L3MBTL4: variants seen among roughly 807,000 people sequenced by gnomAD.
L3MBTL4 encodes L3MBTL histone methyl-lysine binding protein 4, also known as lethal(3)malignant brain tumor-like protein 4.
In L3MBTL4, 70 loss-of-function variants were observed where a neutral mutation model predicts 84.5. That is an observed-to-expected ratio of 0.83 (90% CI 0.68 to 1.01). L3MBTL4 has a LOEUF of 1.01. L3MBTL4 is among the 50% of genes least tolerant of loss of function. L3MBTL4 has a pLI of 0.00. For missense variants in L3MBTL4, 715 were observed against 754.8 expected (o/e 0.95, Z 0.62); for synonymous variants, 274 against 259.8 (o/e 1.05, Z -0.52).
chr18:5,988,822 G>A (rs2053569695), intron 16 of L3MBTL4, among the ~76,000 whole-genome samples: 1 of 152,176 alleles, frequency 6.6e-6, no homozygotes, highest in African/African-American at 2.4e-5. Context: ...GGTGTGGATG[G>A]AAAGTGGGAA....
rs533613697 is a variant in L3MBTL4 at position 6,031,816 on chromosome 18, T to G, written c.1444+49065A>C. On this transcript the variant is annotated intron_variant, in intron 16 of 18. Transcript: ENST00000317931. ...AAAGGCAAATCAGATTCATGGTTTTTTTTTTTTTTTAATTTCACAGATTTA... is the reference window on the plus strand; with the variant it reads ...AAAGGCAAATCAGATTCATGGTTTTGTTTTTTTTTTAATTTCACAGATTTA... 1,951 of 975,508 alleles carry G rather than the reference T, an allele frequency of 2.0e-3. 22 individuals are homozygous for G. The African/African-American group carries it at 0.03, about 15-fold the overall frequency. The allele number at this position is 975,508 out of a possible 1,614,324, so 60.4% of individuals were successfully genotyped here. A position where few individuals can be genotyped will look rare whatever the true frequency, so the allele number is the denominator to read the frequency against.
At chr18:6,008,569 T>C (rs1302915668) in intron 16 of L3MBTL4, among the ~76,000 whole-genome samples, 1 of 152,138 alleles carries the variant, frequency 6.6e-6, no homozygotes, top group African/African-American at 2.4e-5. Context: ...CTCTTATGTT[T>C]CTTCCTTTTC....
chr18:5,967,590 G>T (rs1393651846), intron 17 of L3MBTL4, among the ~76,000 whole-genome samples: 3 of 152,170 alleles, frequency 2.0e-5, no homozygotes, highest in African/African-American at 4.8e-5. Flanking sequence ...ACATTTACCA[G>T]GTGCCTATTA....
At chr18:6,319,649 A>G (rs8096549) in intron 1 of L3MBTL4, among the ~76,000 whole-genome samples, 2,341 of 152,098 alleles carry the variant, frequency 0.015, 68 homozygotes, top group African/African-American at 0.053. Context: ...TAAAATGTCA[A>G]CAAAAAAAAG....
chr18:5,995,007 C>T (rs1027705753), intron 16 of L3MBTL4, among the ~76,000 whole-genome samples: 6 of 152,238 alleles, frequency 3.9e-5, no homozygotes, highest in Non-Finnish European at 7.3e-5. Context: ...TTTATAATTA[C>T]TAGAAGAGGA....
At chr18:6,202,508 C>T (rs1224302398) in intron 12 of L3MBTL4, among the ~76,000 whole-genome samples, 1 of 152,078 alleles carries the variant, frequency 6.6e-6, no homozygotes, top group Non-Finnish European at 1.5e-5. Flanking sequence ...TGCAGAGAAA[C>T]AAGCTAGGAG....
intron 1 of L3MBTL4, among the ~76,000 whole-genome samples, chr18:6,315,778 C>T (rs2051061466): frequency 6.6e-6 from 1 of 152,236 alleles, no homozygotes; most frequent in Non-Finnish European, 1.5e-5. Context: ...CATGTGGAGC[C>T]TGTCTGCATA....
At chr18:6,311,803 G>A (rs1327805831) in intron 2 of L3MBTL4, 147 bp from the exon 3 acceptor site, 1 of 578,900 alleles carries the variant, frequency 1.7e-6, no homozygotes, top group African/African-American at 1.9e-5. Context: ...TTTGCAATTG[G>A]TTTTATAGTA....
intron 5 of L3MBTL4, among the ~76,000 whole-genome samples, chr18:6,263,610 A>G (rs2048503696): frequency 6.6e-6 from 1 of 152,212 alleles, no homozygotes; most frequent in Non-Finnish European, 1.5e-5. Flanking sequence ...TTTCTTGAGC[A>G]TTTATAGTAT....
intron 1 of L3MBTL4, among the ~76,000 whole-genome samples, chr18:6,369,333 C>A (rs1171378974): frequency 6.6e-6 from 1 of 152,152 alleles, no homozygotes; most frequent in Non-Finnish European, 1.5e-5. Flanking sequence ...GGGAATGTGT[C>A]CTCCAGGGGA....
At chr18:6,033,238 C>T (rs1398980852) in intron 16 of L3MBTL4, among the ~76,000 whole-genome samples, 2 of 152,066 alleles carry the variant, frequency 1.3e-5, no homozygotes, top group Non-Finnish European at 2.9e-5. Flanking sequence ...AATGTCTTTG[C>T]CTATTGTAAC....
intron 1 of L3MBTL4, among the ~76,000 whole-genome samples, chr18:6,386,622 C>T (rs867502544): frequency 3.3e-5 from 5 of 152,068 alleles, no homozygotes; most frequent in African/African-American, 7.3e-5. Flanking sequence ...GATCTGAACA[C>T]GAAGCAATGA....
intron 1 of L3MBTL4, among the ~76,000 whole-genome samples, chr18:6,360,742 C>T (rs925614696): frequency 1.3e-5 from 2 of 152,114 alleles, no homozygotes; most frequent in Non-Finnish European, 2.9e-5. Flanking sequence ...GTAAACCCAA[C>T]ACTTTGAGAG....
At chr18:6,001,592 A>T (rs1018197349) in intron 16 of L3MBTL4, among the ~76,000 whole-genome samples, 1 of 152,210 alleles carries the variant, frequency 6.6e-6, no homozygotes, top group Non-Finnish European at 1.5e-5. Context: ...TACGTGGTAT[A>T]TGAAAACAGG....
In L3MBTL4 at chr18:6,138,195, T is replaced by C; in HGVS notation, c.1198A>G (p.Ser400Gly). The change falls in exon 14 of 19, where the codon AGT (serine) becomes GGT (glycine). Residue 400 changes from serine (S) to glycine (G), a missense_variant and splice_region_variant. Transcript: ENST00000317931. ...IRGPRYSGHHSAFGCPYSDMN... is the reference protein window; with the variant it reads ...IRGPRYSGHHGAFGCPYSDMN... Reference sequence around the variant, plus strand: ...TAACTTAAATAAGAAAAATGTTACCTGTGATGTCCCGAATAACGTGGACCA... The same window carrying C: ...TAACTTAAATAAGAAAAATGTTACCCGTGATGTCCCGAATAACGTGGACCA... The C allele has an allele frequency of 8.7e-6, 14 of 1,602,574 alleles. No individual in the cohort carries two copies. Among genetic ancestry groups the C allele is most frequent in the Non-Finnish European group, 1.2e-5 (14 of 1,171,124 alleles).
chr18:5,986,681 CT>C (rs1323530041), intron 16 of L3MBTL4, among the ~76,000 whole-genome samples: 19 of 152,302 alleles, frequency 1.2e-4, no homozygotes, highest in African/African-American at 4.3e-4. Context: ...GGGGAACTGC[CT>C]GAGTGAGTCT....
chr18:6,329,151 C>CTTTTTTTTTTTTTTTTTTTTTT (rs992694853), intron 1 of L3MBTL4, among the ~76,000 whole-genome samples: 31 of 126,540 alleles, frequency 2.4e-4, no homozygotes, highest in Non-Finnish European at 4.3e-4. Flanking sequence ...TTTTTCTTTT[C>CTTTTTTTTTTTTTTTTTTTTTT]TTTTTTTTTT....
At chr18:6,348,235 A>G (rs892310731) in intron 1 of L3MBTL4, among the ~76,000 whole-genome samples, 3 of 152,094 alleles carry the variant, frequency 2.0e-5, no homozygotes, top group Non-Finnish European at 2.9e-5. Context: ...TGACCTGCTA[A>G]AAATCCTAAT....
At position 6,174,498 on chromosome 18, in the gene L3MBTL4, T is replaced by C. The variant is rs77132696; in HGVS notation, c.982-2556A>G. 8.6e-3 allele frequency among the ~76,000 whole-genome samples: 1,314 copies of C among 152,182 alleles called. 9 individuals carry two copies. The highest frequency in any genetic ancestry group is 0.014 in the Non-Finnish European group (932 of 67,994). On this transcript the variant is annotated intron_variant, in intron 12 of 18. Transcript: ENST00000317931. ...CAATATTATTGCTGGATGGCAATAA[T>C]AGGAGATTGGAGATGGCAGAAAAAC...
Sources: allele counts gnomAD v4.1 joint callset (sites outside exome capture counted in the v4.1 genomes callset), GRCh38; gene constraint gnomAD v4.1.1; transcripts MANE v1.5; gene names NCBI Gene and HGNC (gene_info 2026-07-23, HGNC 2026-07-21).